Variants in ATP6V1H observed in about 807,000 individuals in gnomAD.
The protein encoded by ATP6V1H is ATPase H+ transporting V1 subunit H.
ATP6V1H carries 39 observed loss-of-function variants against 71.7 expected under a neutral mutation model. The ratio of observed to expected loss-of-function variants is 0.54; its 90% confidence interval spans 0.42 to 0.71. ATP6V1H has a LOEUF of 0.71. Ranked by LOEUF, ATP6V1H falls within the 30% of genes least tolerant of loss-of-function variation. The pLI, the probability that ATP6V1H is intolerant of heterozygous loss-of-function variation, is 0.00. For synonymous variants in ATP6V1H, 192 were observed against 199.3 expected (o/e 0.96, Z 0.31); for missense variants, 509 against 594.9 (o/e 0.86, Z 1.50).
chr8:53,841,041 C>A (rs936259153), intron 2 of ATP6V1H, among the ~76,000 whole-genome samples: 5 of 152,134 alleles, frequency 3.3e-5, no homozygotes, highest in African/African-American at 7.2e-5. Context: ...CAGCAACAAG[C>A]CTGTGGGGTA....
At chr8:53,830,417 C>G (rs528204002) in intron 3 of ATP6V1H, among the ~76,000 whole-genome samples, 1 of 152,168 alleles carries the variant, frequency 6.6e-6, no homozygotes, top group Non-Finnish European at 1.5e-5. Flanking sequence ...CTAGAACTTA[C>G]GCCTACCTAT....
Position 53,824,304 on chromosome 8 carries a change from G to A in ATP6V1H, c.306+5140C>T, listed in dbSNP as rs12114736. On this transcript the variant is annotated intron_variant, in intron 4 of 13. Coordinates refer to ENST00000359530, the MANE Select transcript of ATP6V1H (RefSeq NM_015941.4). ...GGAATTTTACCAAAACTTAGCCCTT[G>A]TAGTCCTAATGCTAAATAAATTGTT... Among the ~76,000 whole-genome samples the A allele has an allele frequency of 6.7e-3, 1,024 of 152,230 alleles. 7 individuals are homozygous for A. Among genetic ancestry groups the A allele is most frequent in the African/African-American group, 0.023 (971 of 41,556 alleles).
At chr8:53,781,957 T>C (rs924925100) in intron 9 of ATP6V1H, among the ~76,000 whole-genome samples, 5 of 152,254 alleles carry the variant, frequency 3.3e-5, no homozygotes, top group Non-Finnish European at 7.3e-5. Context: ...TGTAGTATAG[T>C]TTGAAGTCAG....
In ATP6V1H at chr8:53,756,474, T is replaced by C. The variant is rs1434704363; in HGVS notation, c.1277+81A>G. On this transcript the variant is annotated intron_variant, in intron 12 of 13. Coordinates refer to ENST00000359530, the MANE Select transcript of ATP6V1H (RefSeq NM_015941.4). Reference sequence around the variant, plus strand: ...TTTGTTAGTTCCTTTGCTAACCTACTCCATTTTAGATAAGTACATTATTTA... The same window carrying C: ...TTTGTTAGTTCCTTTGCTAACCTACCCCATTTTAGATAAGTACATTATTTA... The C allele has an allele frequency of 3.0e-6, 3 of 1,006,948 alleles. No individual in the cohort carries two copies. The African/African-American group carries it at 4.9e-5, about 16-fold the overall frequency. The allele number at this position is 1,006,948 out of a possible 1,614,324, so 62.4% of individuals were successfully genotyped here.
At chr8:53,840,357 G>T (rs1421692035) in intron 2 of ATP6V1H, among the ~76,000 whole-genome samples, 1 of 152,138 alleles carries the variant, frequency 6.6e-6, no homozygotes, top group Non-Finnish European at 1.5e-5. Flanking sequence ...AATTAGGCGG[G>T]CAAGGTGTCA....
At chr8:53,744,568 T>C (rs913081346) in intron 12 of ATP6V1H, among the ~76,000 whole-genome samples, 1 of 152,070 alleles carries the variant, frequency 6.6e-6, no homozygotes, top group Non-Finnish European at 1.5e-5. Context: ...TGCAGTACAG[T>C]GTTTGGTGGT....
At chr8:53,821,108 C>T (rs1406305889) in intron 4 of ATP6V1H, among the ~76,000 whole-genome samples, 1 of 151,246 alleles carries the variant, frequency 6.6e-6, no homozygotes, top group Non-Finnish European at 1.5e-5. Context: ...CAGTAGCTCA[C>T]GCCTGTAATT....
At chr8:53,733,209 A>T (rs977863950) in intron 13 of ATP6V1H, among the ~76,000 whole-genome samples, 2 of 152,276 alleles carry the variant, frequency 1.3e-5, no homozygotes, top group Admixed American at 1.3e-4. Context: ...CAGCTGGTTC[A>T]CCCGCCTGGA....
intron 3 of ATP6V1H, among the ~76,000 whole-genome samples, chr8:53,831,180 C>CT (rs1810994766): frequency 6.6e-6 from 1 of 152,150 alleles, no homozygotes; most frequent in Admixed American, 6.5e-5. Context: ...GGGGAAAGTT[C>CT]TGAGAAATTC....
At chr8:53,764,582 T>C (rs1257844816) in intron 11 of ATP6V1H, among the ~76,000 whole-genome samples, 1 of 152,070 alleles carries the variant, frequency 6.6e-6, no homozygotes, top group Non-Finnish European at 1.5e-5. Context: ...TCATACTGAA[T>C]AATGAGAAAC....
chr8:53,769,543 G>C, intron 11 of ATP6V1H, 75 bp downstream of exon 11: 1 of 1,406,484 alleles, frequency 7.1e-7, no homozygotes, highest in South Asian at 1.4e-5. Flanking sequence ...CTAAAATTTA[G>C]AGTGACAAAA....
chr8:53,718,118 T>C (rs948018521), intron 13 of ATP6V1H, among the ~76,000 whole-genome samples: 2 of 152,206 alleles, frequency 1.3e-5, no homozygotes, highest in African/African-American at 2.4e-5. Context: ...GCTCCATCCC[T>C]TCCAGAGGCC....
intron 4 of ATP6V1H, among the ~76,000 whole-genome samples, chr8:53,821,731 T>C (rs1225480648): frequency 1.3e-5 from 2 of 150,290 alleles, no homozygotes; most frequent in Non-Finnish European, 3.0e-5. Flanking sequence ...GAGTGAGGAG[T>C]ATTATAAACC....
chr8:53,815,208 C>A (rs1175194781), intron 5 of ATP6V1H, among the ~76,000 whole-genome samples: 1 of 152,168 alleles, frequency 6.6e-6, no homozygotes, highest in Non-Finnish European at 1.5e-5. Context: ...AAATCCATTT[C>A]TTAGGATAAT....
intron 13 of ATP6V1H, among the ~76,000 whole-genome samples, chr8:53,740,658 T>C (rs1184096887): frequency 1.3e-5 from 2 of 152,224 alleles, no homozygotes; most frequent in Non-Finnish European, 2.9e-5. Context: ...ACCAGCAGCA[T>C]ATTTTAGGTT....
chr8:53,749,721 T>C (rs1466520533), intron 12 of ATP6V1H, among the ~76,000 whole-genome samples: 1 of 149,156 alleles, frequency 6.7e-6, no homozygotes, highest in Non-Finnish European at 1.5e-5. Context: ...TATAGAAAGG[T>C]GGTTTAGATG....
intron 2 of ATP6V1H, among the ~76,000 whole-genome samples, chr8:53,835,920 C>A (rs537497240): frequency 6.6e-6 from 1 of 152,282 alleles, no homozygotes; most frequent in Non-Finnish European, 1.5e-5. Context: ...GCGCTGAACT[C>A]TGGCATTATT....
chr8:53,779,275 T>C (rs956064234), intron 9 of ATP6V1H, among the ~76,000 whole-genome samples: 1 of 151,688 alleles, frequency 6.6e-6, no homozygotes, highest in Non-Finnish European at 1.5e-5. Context: ...TGACAGACTA[T>C]AAGACAAGCC....
intron 13 of ATP6V1H, among the ~76,000 whole-genome samples, chr8:53,728,110 C>T (rs1239872067): frequency 2.0e-5 from 3 of 152,172 alleles, no homozygotes; most frequent in African/African-American, 7.2e-5. Context: ...GGCAGGGTGA[C>T]GTCAAACACA....
Sources: gnomAD v4.1 joint callset for allele counts (sites outside exome capture counted in the v4.1 genomes callset) on GRCh38, gnomAD v4.1.1 for gene constraint, MANE v1.5 for transcripts, NCBI Gene and HGNC (gene_info 2026-07-23, HGNC 2026-07-21) for gene names.